Variants in PCDHGB2 observed in about 807,000 individuals in gnomAD.
PCDHGB2 encodes protocadherin gamma subfamily B, 2.
In PCDHGB2, 55 loss-of-function variants were observed where a neutral mutation model predicts 59.3. The observed-to-expected ratio is 0.93, with a 90% CI of 0.75 to 1.16. The LOEUF (loss-of-function observed/expected upper bound fraction) is 1.16. PCDHGB2 is among the 50% of genes most tolerant of loss of function. The pLI, the probability that PCDHGB2 is intolerant of heterozygous loss-of-function variation, is 0.00. For synonymous variants in PCDHGB2, 516 were observed against 512.0 expected (o/e 1.01, Z -0.11); for missense variants, 1,228 against 1,198.5 (o/e 1.02, Z -0.36).
intron 1 of PCDHGB2, among the ~76,000 whole-genome samples, chr5:141,368,535 T>C (rs1765706037): frequency 6.6e-6 from 1 of 152,178 alleles, no homozygotes; most frequent in South Asian, 2.1e-4. Context: ...AAAACTTGCT[T>C]TTCCATTTTT....
At chr5:141,426,174 G>A (rs1213063298) in intron 1 of PCDHGB2, 1 of 155,354 alleles carries the variant, frequency 6.4e-6, no homozygotes, top group Non-Finnish European at 1.4e-5. Flanking sequence ...ACGGATTGGG[G>A]TGCCCTCAAA....
intron 1 of PCDHGB2, among the ~76,000 whole-genome samples, chr5:141,450,829 A>ATTATTT (rs1554136902): frequency 7.4e-6 from 1 of 135,144 alleles, no homozygotes; most frequent in Admixed American, 7.6e-5. Context: ...TATTATTATT[A>ATTATTT]TTTTTTTTTT....
intron 1 of PCDHGB2, chr5:141,379,708 G>T (rs1048011684): frequency 2.0e-5 from 3 of 151,950 alleles, no homozygotes; most frequent in Non-Finnish European, 2.9e-5. Flanking sequence ...AAACATCCTG[G>T]CAGTCATGGA....
Position 141,360,729 on chromosome 5 carries a change from C to G in PCDHGB2, c.594C>G (p.His198Gln), listed in dbSNP as rs767195567. 21 of 1,613,886 alleles carry G rather than the reference C, an allele frequency of 1.3e-5. No homozygotes were observed. Among genetic ancestry groups the G allele is most frequent in the Admixed American group, 1.7e-5 (1 of 60,006 alleles). The change falls in exon 1 of 4, where the codon CAC becomes CAG. Residue 198 changes from histidine (H) to glutamine (Q), a missense_variant. Physicochemically the swap from His to Gln is conservative, Grantham distance 24 (BLOSUM62 0). Transcript: ENST00000522605. ...GRKYPELILK[H>Q]SLDREEHSLH... The stretch of plus-strand genomic sequence containing the variant: ...AATATCCTGAGTTGATTCTAAAACA[C>G]TCTCTGGACAGAGAAGAGCACAGTT...
chr5:141,381,153 G>A (rs1345573365), intron 1 of PCDHGB2, among the ~76,000 whole-genome samples: 3 of 152,196 alleles, frequency 2.0e-5, no homozygotes, highest in Non-Finnish European at 4.4e-5. Context: ...GCAGAAATAG[G>A]TTACTTAGGA....
chr5:141,361,744 C>T lies in PCDHGB2; in HGVS notation c.1609C>T (p.Gln537Ter). ...CGAGCTCACACTGCAGGCCCGCGAC[C>T]AGGGCTCGCCCGCGCTCAGCGCCAA... is the stretch of plus-strand genomic sequence containing the variant. ...AFELTLQARD[Q>*]GSPALSANVS... The change falls in exon 1 of 4, where the codon CAG becomes TAG. Residue 537 changes from glutamine to a stop codon, truncating the protein, a stop_gained. Transcript: ENST00000522605. LOFTEE classifies it high-confidence loss of function. 1 of 1,613,118 alleles carries T rather than the reference C, an allele frequency of 6.2e-7. No homozygotes were observed. The highest frequency in any genetic ancestry group is 8.5e-7 in the Non-Finnish European group (1 of 1,179,726).
intron 1 of PCDHGB2, among the ~76,000 whole-genome samples, chr5:141,482,804 G>T (rs1431490730): frequency 6.6e-6 from 1 of 152,194 alleles, no homozygotes; most frequent in East Asian, 1.9e-4. Flanking sequence ...GGGTACGGTG[G>T]CTCATGCCTG....
At chr5:141,408,932 A>C in intron 1 of PCDHGB2, 1 of 1,613,594 alleles carries the variant, frequency 6.2e-7, no homozygotes, top group South Asian at 1.1e-5. Context: ...GGTTTTCAGC[A>C]GAGACGAATA....
At chr5:141,459,315 T>C (rs2154566534) in intron 1 of PCDHGB2, among the ~76,000 whole-genome samples, 1 of 152,362 alleles carries the variant, frequency 6.6e-6, no homozygotes, top group East Asian at 1.9e-4. Context: ...CTATTTTGTA[T>C]CCATCTTCTT....
At chr5:141,443,328 A>C (rs569134076) in intron 1 of PCDHGB2, among the ~76,000 whole-genome samples, 24 of 151,794 alleles carry the variant, frequency 1.6e-4, no homozygotes, top group African/African-American at 4.8e-4. Context: ...AAAAAAAAAA[A>C]ACAAAAATTA....
rs1561663429 is a variant in PCDHGB2 at position 141,398,237 on chromosome 5, T to C, written c.2421+35681T>C. 4.1e-6 allele frequency: 6 copies of C among 1,479,416 alleles called. No homozygotes were observed. In the African/African-American group the frequency reaches 8.6e-5, roughly 21 times the overall value. The allele number at this position is 1,479,416 out of a possible 1,614,324, so 91.6% of individuals were successfully genotyped here. ...CTCTGTGAGCAGATCCGCTACAGGA[T>C]TCCCGAGGAAATGCCCAAGGGCTCC... On this transcript the variant is annotated intron_variant, in intron 1 of 3. Transcript: ENST00000522605.
chr5:141,433,174 G>A (rs1298757358), intron 1 of PCDHGB2: 1 of 1,610,308 alleles, frequency 6.2e-7, no homozygotes, highest in Non-Finnish European at 8.5e-7. Context: ...ACAGTCATGG[G>A]TTAATTGAGG....
intron 1 of PCDHGB2, among the ~76,000 whole-genome samples, chr5:141,494,157 G>A (rs929922206): frequency 5.9e-5 from 9 of 152,312 alleles, no homozygotes; most frequent in African/African-American, 1.7e-4. Context: ...TGTCTGGCAC[G>A]GAGTTCTAGG....
rs372656276 is a variant in PCDHGB2, at chr5:141,415,107, A to G, written c.2421+52551A>G. ...TGCTGGACAGAGACGCGCTCAAGCA[A>G]AGCCTCGTAGTGGCCGTCCAGGACC... is the stretch of plus-strand genomic sequence containing the variant. On this transcript the variant is annotated intron_variant, in intron 1 of 3. Transcript: ENST00000522605. 1,052 of 1,613,570 alleles carry G rather than the reference A, an allele frequency of 6.5e-4. 7 individuals carry two copies. The African/African-American group carries it at 8.4e-3, about 13-fold the overall frequency.
chr5:141,398,691 T>C, intron 1 of PCDHGB2: 1 of 1,613,876 alleles, frequency 6.2e-7, no homozygotes, highest in Non-Finnish European at 8.5e-7. Flanking sequence ...AACAGGATGG[T>C]AGTAAATACC....
At chr5:141,413,664 T>G in intron 1 of PCDHGB2, 1 of 1,613,858 alleles carries the variant, frequency 6.2e-7, no homozygotes, top group Non-Finnish European at 8.5e-7. Flanking sequence ...AAGCTATTGA[T>G]CCGGATGTGG....
At position 141,431,413 on chromosome 5, in the gene PCDHGB2, C is replaced by A; in HGVS notation, c.2422-63394C>A. ...TGGTCCTTACGGCCTCCGACGGGGG[C>A]GACCCGGTGCGCACAGGCACCGCGC... On this transcript the variant is annotated intron_variant, in intron 1 of 3. Transcript: ENST00000522605. This position sits in a 1 kb window ranked among gnomAD's most constrained non-coding sequence, Gnocchi z 4.8. The A allele has an allele frequency of 6.2e-7, 1 of 1,613,682 alleles. No homozygotes were observed. Among genetic ancestry groups the A allele is most frequent in the Non-Finnish European group, 8.5e-7 (1 of 1,180,044 alleles).
intron 1 of PCDHGB2, among the ~76,000 whole-genome samples, chr5:141,473,069 A>G (rs552033483): frequency 3.9e-4 from 59 of 152,180 alleles, no homozygotes; most frequent in South Asian, 8.3e-4. Flanking sequence ...AAGTTACAGC[A>G]TCTTTGTTTA....
intron 1 of PCDHGB2, chr5:141,408,907 C>T: frequency 6.2e-7 from 1 of 1,613,244 alleles, no homozygotes; most frequent in East Asian, 2.2e-5. Context: ...TCAAGGATAC[C>T]AATGATAACC....
Sources: allele counts gnomAD v4.1 joint callset (sites outside exome capture counted in the v4.1 genomes callset), GRCh38; gene constraint gnomAD v4.1.1; non-coding constraint Gnocchi (gnomAD v3.1); transcripts MANE v1.5; gene names NCBI Gene and HGNC (gene_info 2026-07-23, HGNC 2026-07-21).